Variants in SDK2 observed in about 807,000 individuals in gnomAD.
SDK2 encodes the protein sidekick cell adhesion molecule 2.
In SDK2, 105 loss-of-function variants were observed where a neutral mutation model predicts 253.9. The ratio of observed to expected loss-of-function variants is 0.41; its 90% confidence interval spans 0.35 to 0.49. SDK2 has a LOEUF of 0.49. SDK2 is among the 20% of genes least tolerant of loss of function. The pLI is 0.06. For synonymous variants in SDK2, 1,249 were observed against 1,234.9 expected (o/e 1.01, Z -0.24); for missense variants, 2,608 against 3,003.0 (o/e 0.87, Z 3.07).
In SDK2 at chr17:73,379,084, G is replaced by A. The variant is rs2062808626; in HGVS notation, c.4980+93C>T. 8.9e-6 allele frequency: 8 copies of A among 902,146 alleles called. No homozygotes were observed. The South Asian group carries it at 1.1e-4, about 13-fold the overall frequency. 55.9% of individuals were successfully genotyped at this position (902,146 alleles called of 1,614,324 possible). ...CTGGCTGGATGAATGGAGGGCCTGGGGACCTGCCTGCCTCCCACATATCAC... is the reference window on the plus strand; with the variant it reads ...CTGGCTGGATGAATGGAGGGCCTGGAGACCTGCCTGCCTCCCACATATCAC... On this transcript the variant is annotated intron_variant, in intron 36 of 44. Transcript: ENST00000392650. The surrounding 1 kb of genome is among the most constrained non-coding windows in gnomAD (Gnocchi z 4.5).
chr17:73,342,326 A>G (rs2062444921), intron 44 of SDK2, among the ~76,000 whole-genome samples: 1 of 152,102 alleles, frequency 6.6e-6, no homozygotes, highest in Non-Finnish European at 1.5e-5. Flanking sequence ...ATGCAGCACA[A>G]TACAAGCCCC....
At chr17:73,594,812 CACAG>C (rs10561500) in intron 1 of SDK2, among the ~76,000 whole-genome samples, 4,671 of 152,176 alleles carry the variant, frequency 0.031, 255 homozygotes, top group African/African-American at 0.11. Context: ...ACACACAGCA[CACAG>C]ACACACATAC....
intron 3 of SDK2, among the ~76,000 whole-genome samples, chr17:73,468,926 G>A (rs1345043680): frequency 6.6e-6 from 1 of 151,966 alleles, no homozygotes; most frequent in East Asian, 1.9e-4. Context: ...CTGGGTTCAT[G>A]CGATTCTCCC....
rs1422119764 is a variant in SDK2, at chr17:73,423,966, C to T, written c.1710G>A (p.Arg570=). 4 of 1,605,660 alleles carry T rather than the reference C, an allele frequency of 2.5e-6. No individual in the cohort carries two copies. In the South Asian group the frequency reaches 4.5e-5, roughly 18 times the overall value. The part of the protein sequence containing the change: ...WSGDIGTYTC[R]VISAGGNDSR... ...AGTCGTTGCCTCCTGCTGAGATCAC[C>T]CGGCAGGTGTACGTGCCGATGTCTC... The change falls in exon 13 of 45, where the codon CGG becomes CGA. Residue 570 remains arginine, a synonymous_variant. Transcript: ENST00000392650.
At chr17:73,495,741 C>G (rs923993640) in intron 2 of SDK2, among the ~76,000 whole-genome samples, 1 of 152,024 alleles carries the variant, frequency 6.6e-6, no homozygotes, top group East Asian at 1.9e-4. Context: ...GTGGGAGGAG[C>G]TGGCCTCAGG....
intron 1 of SDK2, among the ~76,000 whole-genome samples, chr17:73,607,041 C>T (rs1439819776): frequency 6.6e-6 from 1 of 152,152 alleles, no homozygotes; most frequent in Non-Finnish European, 1.5e-5. Flanking sequence ...GGAGACAGTC[C>T]CTTCCTCCCT....
intron 36 of SDK2, among the ~76,000 whole-genome samples, chr17:73,370,814 A>C (rs1037414250): frequency 6.6e-6 from 1 of 152,004 alleles, no homozygotes; most frequent in Non-Finnish European, 1.5e-5. Flanking sequence ...CTGTAATCCT[A>C]GCACTTGGGA....
chr17:73,483,703 ATATATT>A (rs1567799559), intron 2 of SDK2, among the ~76,000 whole-genome samples: 40 of 60,216 alleles, frequency 6.6e-4, no homozygotes, highest in Non-Finnish European at 7.4e-4. Flanking sequence ...ATATATATAT[ATATATT>A]TTTTTTTTTT....
rs1380884008 is a variant in SDK2, at chr17:73,435,306, G to C, written c.1195+144C>G. On this transcript the variant is annotated intron_variant, in intron 9 of 44. Coordinates refer to ENST00000392650, the MANE Select transcript of SDK2 (RefSeq NM_001144952.2). The surrounding 1 kb of genome is among the most constrained non-coding windows in gnomAD (Gnocchi z 5.7). ...CAGCGGTAACTGGCTGTGCCCCCAG[G>C]CTGCTGGGCAGCAGGCGGCCTTTGG... The C allele has an allele frequency of 4.0e-6, 3 of 753,274 alleles. No homozygotes were observed. The highest frequency in any genetic ancestry group is 6.2e-6 in the Non-Finnish European group (3 of 482,802). 46.7% of individuals were successfully genotyped at this position (753,274 alleles called of 1,614,324 possible).
intron 1 of SDK2, among the ~76,000 whole-genome samples, chr17:73,594,916 C>A (rs1354205521): frequency 6.6e-6 from 1 of 152,118 alleles, no homozygotes; most frequent in African/African-American, 2.4e-5. Context: ...ACACACAGCA[C>A]ACACCTGCAC....
Position 73,597,450 on chromosome 17 carries a change from C to A in SDK2, c.64+46575G>T, listed in dbSNP as rs75735824. Among the ~76,000 whole-genome samples the A allele has an allele frequency of 5.2e-4, 79 of 152,246 alleles. 1 individual carries two copies. Among genetic ancestry groups the A allele is most frequent in the South Asian group, 1.0e-3 (5 of 4,826 alleles). On this transcript the variant is annotated intron_variant, in intron 1 of 44. Coordinates refer to ENST00000392650, the MANE Select transcript of SDK2 (RefSeq NM_001144952.2). ...GTGATACTTTGCTTATAGAACTCTG[C>A]GATGTGGACGTATCTGTCTGGAATA...
intron 12 of SDK2, among the ~76,000 whole-genome samples, chr17:73,426,302 G>C (rs1264957804): frequency 7.2e-6 from 1 of 138,840 alleles, no homozygotes; most frequent in Non-Finnish European, 1.5e-5. Flanking sequence ...CCTGACCTCA[G>C]GTGATCCGCC....
Position 73,398,053 on chromosome 17 carries a change from G to C in SDK2, c.3336C>G (p.Ser1112Arg). Reference sequence around the variant, plus strand: ...GCCTTACCATCCAGCGCAGCCACAGGCTGGTCTCACTGGCTGTGCGCAGAG... The same window carrying C: ...GCCTTACCATCCAGCGCAGCCACAGCCTGGTCTCACTGGCTGTGCGCAGAG... ...NVSLRTASET[S>R]LWLRWMPLPE... The change falls in exon 24 of 45, where the codon AGC (serine) becomes AGG (arginine). Residue 1112 changes from serine (S) to arginine (R), a missense_variant. Ser to Arg is a moderately radical substitution (Grantham distance 110, BLOSUM62 -1). This residue lies in a region of SDK2 where 1,505 missense variants were observed against 1,859.1 expected (regional missense o/e 0.81). Transcript: ENST00000392650. The C allele has an allele frequency of 6.2e-7, 1 of 1,612,520 alleles. No individual in the cohort carries two copies. The highest frequency in any genetic ancestry group is 8.5e-7 in the Non-Finnish European group (1 of 1,179,870).
chr17:73,643,744 A>G lies in SDK2; in HGVS notation c.64+281T>C, dbSNP rs2046427205. Among the ~76,000 whole-genome samples, 1 of 151,652 alleles carries G rather than the reference A, an allele frequency of 6.6e-6. No individual in the cohort carries two copies. The highest frequency in any genetic ancestry group is 6.5e-5 in the Admixed American group (1 of 15,272). ...CAGGGCAGCCACAGCAGACGGGGGG[A>G]GGGGAGCGCCCCTCCCACTTCACCT... On this transcript the variant is annotated intron_variant, in intron 1 of 44. Coordinates refer to ENST00000392650, the MANE Select transcript of SDK2 (RefSeq NM_001144952.2). The surrounding 1 kb of genome is among the most constrained non-coding windows in gnomAD (Gnocchi z 6.9).
chr17:73,591,672 T>A (rs1264213104), intron 1 of SDK2, among the ~76,000 whole-genome samples: 6 of 152,162 alleles, frequency 3.9e-5, no homozygotes, highest in Non-Finnish European at 8.8e-5. Context: ...TGGCACCCTA[T>A]CTACTTGGAG....
intron 18 of SDK2, among the ~76,000 whole-genome samples, chr17:73,406,078 T>C (rs963071039): frequency 5.3e-5 from 8 of 152,078 alleles, no homozygotes; most frequent in Non-Finnish European, 8.8e-5. Context: ...TAACACAATA[T>C]AAATGCTATG....
chr17:73,471,325 C>T (rs1029390466), intron 3 of SDK2, among the ~76,000 whole-genome samples: 6 of 152,140 alleles, frequency 3.9e-5, no homozygotes, highest in Non-Finnish European at 7.3e-5. Context: ...ATACTGGGCG[C>T]GGTGGCTCAC....
Position 73,401,680 on chromosome 17 carries a change from G to C in SDK2, c.2753C>G (p.Pro918Arg). Residue 918 changes from proline (P) to arginine (R), a missense_variant, in exon 20 of 45, where the codon CCG (proline) becomes CGG (arginine). Coordinates refer to ENST00000392650, the MANE Select transcript of SDK2 (RefSeq NM_001144952.2). ...TGTGAGGATGCCATTTTTCTCTCCC[G>C]GCTCTTGCCAGCTGACCTTCAGCGA... ...DTSLKVSWQE[P>R]GEKNGILTGY... 6.3e-7 allele frequency: 1 copy of C among 1,594,458 alleles called. No individual in the cohort carries two copies. The highest frequency in any genetic ancestry group is 1.1e-5 in the South Asian group (1 of 87,452).
chr17:73,345,093 C>A (rs988976526), intron 44 of SDK2, among the ~76,000 whole-genome samples: 1 of 152,074 alleles, frequency 6.6e-6, no homozygotes, highest in African/African-American at 2.4e-5. Flanking sequence ...CCGAGGTGGG[C>A]GGATCACCTG....
Sources: allele counts gnomAD v4.1 joint callset (sites outside exome capture counted in the v4.1 genomes callset), GRCh38; gene constraint gnomAD v4.1.1; regional missense constraint gnomAD v4.1.1; non-coding constraint Gnocchi (gnomAD v3.1); transcripts MANE v1.5; gene names NCBI Gene and HGNC (gene_info 2026-07-23, HGNC 2026-07-21).